Variants in TLL2 observed in about 807,000 individuals in gnomAD.
TLL2 encodes the protein tolloid-like protein 2.
TLL2 carries 106 observed loss-of-function variants against 123.0 expected under a neutral mutation model. The observed-to-expected ratio is 0.86, with a 90% CI of 0.74 to 1.01. The LOEUF (loss-of-function observed/expected upper bound fraction) is 1.01. TLL2 is among the 50% of genes least tolerant of loss of function. TLL2 has a pLI of 0.00. For missense variants in TLL2, 1,332 were observed against 1,336.7 expected (o/e 1.00, Z 0.06); for synonymous variants, 494 against 516.8 (o/e 0.96, Z 0.60).
intron 13 of TLL2, among the ~76,000 whole-genome samples, chr10:96,392,025 C>T (rs541223083): frequency 2.6e-5 from 4 of 152,342 alleles, no homozygotes; most frequent in East Asian, 3.9e-4. Flanking sequence ...GCAATGTCAT[C>T]GCGCATTTGC....
intron 1 of TLL2, among the ~76,000 whole-genome samples, chr10:96,511,537 T>C (rs1157735224): frequency 6.6e-6 from 1 of 152,218 alleles, no homozygotes; most frequent in African/African-American, 2.4e-5. Flanking sequence ...TGCCTGTGCA[T>C]CCCATTCTGT....
chr10:96,445,052 G>A (rs1047383500), intron 3 of TLL2, among the ~76,000 whole-genome samples: 1 of 152,030 alleles, frequency 6.6e-6, no homozygotes, highest in Non-Finnish European at 1.5e-5. Flanking sequence ...AGCCGGGCAC[G>A]GTGGCGGGCG....
chr10:96,465,983 A>G lies in TLL2; in HGVS notation c.286+14366T>C, dbSNP rs370643207. On this transcript the variant is annotated intron_variant, in intron 2 of 20. Transcript: ENST00000357947. ...TAAAAAGATGTAAGCACTACAAAAC[A>G]AACAAAACACATCTGCAGACAAGAT... Among the ~76,000 whole-genome samples, 5 of 152,210 alleles carry G rather than the reference A, an allele frequency of 3.3e-5. No homozygotes were observed. The East Asian group carries it at 9.6e-4, about 29-fold the overall frequency.
chr10:96,476,066 G>A (rs1356785146), intron 2 of TLL2, among the ~76,000 whole-genome samples: 1 of 151,394 alleles, frequency 6.6e-6, no homozygotes, highest in Non-Finnish European at 1.5e-5. Context: ...GCCCAGTCTC[G>A]GGTACACCTT....
chr10:96,414,598 G>C (rs1377791824), intron 7 of TLL2, among the ~76,000 whole-genome samples: 1 of 151,996 alleles, frequency 6.6e-6, no homozygotes, highest in African/African-American at 2.4e-5. Context: ...CTGCTCCTAC[G>C]GCTTTTAACC....
chr10:96,436,500 T>C (rs574253058), intron 3 of TLL2, among the ~76,000 whole-genome samples: 6 of 152,362 alleles, frequency 3.9e-5, no homozygotes, highest in African/African-American at 1.2e-4. Context: ...GAACTAAGAC[T>C]ATGAATTGTC....
intron 7 of TLL2, among the ~76,000 whole-genome samples, chr10:96,418,623 T>C (rs1016714730): frequency 2.6e-5 from 4 of 151,742 alleles, no homozygotes; most frequent in African/African-American, 9.7e-5. Flanking sequence ...AATGAGATAG[T>C]CTCTGTCCTC....
At chr10:96,404,113 C>T (rs142621509) in intron 10 of TLL2, among the ~76,000 whole-genome samples, 2,868 of 152,110 alleles carry the variant, frequency 0.019, 50 homozygotes, top group Middle Eastern at 0.072. Flanking sequence ...ACTCAGAGAC[C>T]GGTGCCGATG....
Position 96,384,643 on chromosome 10 carries a change from T to C in TLL2, c.2138A>G (p.Glu713Gly), listed in dbSNP as rs1589407636. The C allele has an allele frequency of 6.2e-7, 1 of 1,611,686 alleles. No individual in the cohort carries two copies. Among genetic ancestry groups the C allele is most frequent in the Non-Finnish European group, 8.5e-7 (1 of 1,178,520 alleles). The change falls in exon 16 of 21, where the codon GAG becomes GGG. Residue 713 changes from glutamate to glycine, a missense_variant. Physicochemically the swap from Glu to Gly is moderately conservative, Grantham distance 98. Coordinates refer to ENST00000357947, the MANE Select transcript of TLL2 (RefSeq NM_012465.4). ...GGAGACGGTGTTGTCGGACTTGAAC[T>C]CCACGCGCATGTTGTTGCTCTGCGA... ...ITSQSNNMRVEFKSDNTVSKR... is the reference protein window; with the variant it reads ...ITSQSNNMRVGFKSDNTVSKR...
chr10:96,462,899 G>A (rs1394319829), intron 2 of TLL2, among the ~76,000 whole-genome samples: 1 of 152,140 alleles, frequency 6.6e-6, no homozygotes, highest in East Asian at 1.9e-4. Context: ...TTAAAATATG[G>A]CACTAAATAT....
At chr10:96,423,966 A>C (rs1164436522) in intron 5 of TLL2, among the ~76,000 whole-genome samples, 1 of 152,246 alleles carries the variant, frequency 6.6e-6, no homozygotes, top group Non-Finnish European at 1.5e-5. Flanking sequence ...ATGAAGTACT[A>C]TTCAGCCTAA....
chr10:96,423,861 C>T (rs1274010633), intron 5 of TLL2, among the ~76,000 whole-genome samples: 1 of 152,176 alleles, frequency 6.6e-6, no homozygotes, highest in African/African-American at 2.4e-5. Context: ...CAGCACTGTT[C>T]ATGATAGCTA....
At chr10:96,495,492 G>A (rs1235444542) in intron 1 of TLL2, among the ~76,000 whole-genome samples, 1 of 152,050 alleles carries the variant, frequency 6.6e-6, no homozygotes, top group Non-Finnish European at 1.5e-5. Flanking sequence ...TAGAAAGAAA[G>A]TTCTAGGAAA....
At chr10:96,455,669 T>C (rs1009183409) in intron 2 of TLL2, among the ~76,000 whole-genome samples, 15 of 152,232 alleles carry the variant, frequency 9.9e-5, no homozygotes, top group Non-Finnish European at 2.2e-4. Context: ...GAAGTTACCC[T>C]ATATGATCTA....
At chr10:96,504,225 T>C (rs1847558905) in intron 1 of TLL2, among the ~76,000 whole-genome samples, 1 of 152,178 alleles carries the variant, frequency 6.6e-6, no homozygotes. Context: ...CTCAGACATC[T>C]GGTTGGCTTG....
At chr10:96,381,629 T>C (rs1846187916) in intron 16 of TLL2, among the ~76,000 whole-genome samples, 1 of 152,196 alleles carries the variant, frequency 6.6e-6, no homozygotes, top group South Asian at 2.1e-4. Context: ...CAGGCAACCA[T>C]GGGCTTCTCT....
At chr10:96,493,219 C>A (rs529059563) in intron 1 of TLL2, among the ~76,000 whole-genome samples, 1 of 152,182 alleles carries the variant, frequency 6.6e-6, no homozygotes, top group East Asian at 1.9e-4. Flanking sequence ...TTCCTCCAGG[C>A]CCCCTCTCAA....
At chr10:96,409,271 C>T (rs1458670249) in intron 9 of TLL2, among the ~76,000 whole-genome samples, 1 of 152,186 alleles carries the variant, frequency 6.6e-6, no homozygotes, top group Admixed American at 6.5e-5. Flanking sequence ...GCTGAATGAT[C>T]TCCAACCTTA....
At chr10:96,425,989 A>T (rs1044411305) in intron 5 of TLL2, among the ~76,000 whole-genome samples, 4 of 152,084 alleles carry the variant, frequency 2.6e-5, no homozygotes, top group Non-Finnish European at 5.9e-5. Flanking sequence ...TTTTGGTTGG[A>T]AGTTATTTAT....
Sources: allele counts gnomAD v4.1 joint callset (sites outside exome capture counted in the v4.1 genomes callset), GRCh38; gene constraint gnomAD v4.1.1; transcripts MANE v1.5; gene names NCBI Gene and HGNC (gene_info 2026-07-23, HGNC 2026-07-21).